ZNF516: variants seen among roughly 807,000 people sequenced by gnomAD.
ZNF516 encodes the protein zinc finger protein 516.
In ZNF516, 19 loss-of-function variants were observed where a neutral mutation model predicts 79.7. The observed-to-expected ratio is 0.24, with a 90% confidence interval of 0.17 to 0.35. The LOEUF is 0.35. ZNF516 is among the 10% of genes least tolerant of loss of function. The pLI is 1.00. For missense variants in ZNF516, 1,678 were observed against 1,679.5 expected, an observed-to-expected ratio of 1.00 and a Z score of 0.02; for synonymous variants, 877 against 739.5, an observed-to-expected ratio of 1.19 and a Z score of -3.02.
chr18:76,401,874 A>ACCAACCACACCCCCGCGCCG, intron 3 of ZNF516, among the ~76,000 whole-genome samples: 1 of 148,138 alleles, frequency 6.8e-6, no homozygotes, highest in Non-Finnish European at 1.5e-5. Context: ...CCCCTCCACT[A>ACCAACCACACCCCCGCGCCG]CTGTTTATAG....
chr18:76,490,656 G>A (rs1487184167), intron 1 of ZNF516: 5 of 522,620 alleles, frequency 9.6e-6, no homozygotes, highest in African/African-American at 6.2e-5. Flanking sequence ...CATGGTGAAC[G>A]TACATCACTC....
chr18:76,414,562 C>A (rs563473499), intron 3 of ZNF516, among the ~76,000 whole-genome samples: 1 of 152,332 alleles, frequency 6.6e-6, no homozygotes, highest in South Asian at 2.1e-4. Flanking sequence ...CTACATACTA[C>A]TGTCGATCAA....
chr18:76,400,951 A>T (rs1041340630), intron 3 of ZNF516, among the ~76,000 whole-genome samples: 6 of 152,262 alleles, frequency 3.9e-5, no homozygotes, highest in African/African-American at 1.4e-4. Context: ...TATAGTGTCC[A>T]TTAAAATGAT....
intron 4 of ZNF516, among the ~76,000 whole-genome samples, chr18:76,373,782 C>A (rs2074745427): frequency 6.6e-6 from 1 of 152,262 alleles, no homozygotes; most frequent in Non-Finnish European, 1.5e-5. Flanking sequence ...TCCCACACAT[C>A]TCACCATATC....
At chr18:76,383,673 G>A (rs546046924) in intron 3 of ZNF516, among the ~76,000 whole-genome samples, 50 of 152,030 alleles carry the variant, frequency 3.3e-4, no homozygotes, top group African/African-American at 1.0e-3. Context: ...CCTCTTCCCC[G>A]GACCCTCTTC....
rs566872379 is a variant in ZNF516, at chr18:76,394,825, T to C, written c.1811-14522A>G. Among the ~76,000 whole-genome samples, 58 of 50,400 alleles carry C rather than the reference T, an allele frequency of 1.2e-3. 6 individuals are homozygous for C. Among genetic ancestry groups the C allele is most frequent in the Non-Finnish European group, 2.1e-3 (51 of 24,442 alleles). 33.1% of individuals were successfully genotyped at this position (50,400 alleles called of 152,430 possible). Reference sequence around the variant, plus strand: ...GGTGGTCAGGTGGGGGGAAGGCGGGTGGTCAGGTGGGGGGAGGGCAGGTGG... The same window carrying C: ...GGTGGTCAGGTGGGGGGAAGGCGGGCGGTCAGGTGGGGGGAGGGCAGGTGG... On this transcript the variant is annotated intron_variant, in intron 3 of 6. Coordinates refer to ENST00000443185, the MANE Select transcript of ZNF516 (RefSeq NM_014643.4).
At chr18:76,456,460 G>A (rs991268878) in intron 2 of ZNF516, among the ~76,000 whole-genome samples, 1 of 152,120 alleles carries the variant, frequency 6.6e-6, no homozygotes, top group Admixed American at 6.5e-5. Flanking sequence ...GTTAAAAGTC[G>A]GCTCAGGGAT....
In ZNF516 at chr18:76,441,916, T is replaced by A; in HGVS notation, c.1139A>T (p.Lys380Met). ...GTTCAGGCACTGGAGGAAGAACTGC[T>A]TGGTGTCCGAGGGCCCCTCCGCCCC... Reference protein sequence around the residue: ...EEGAEGPSDTKQFFLQCLNLR... With the variant: ...EEGAEGPSDTMQFFLQCLNLR... Residue 380 changes from lysine to methionine, a missense_variant, in exon 3 of 7, where the codon AAG (lysine) becomes ATG (methionine). Lys to Met is a moderately conservative substitution (Grantham distance 95, BLOSUM62 -1). Coordinates refer to ENST00000443185, the MANE Select transcript of ZNF516 (RefSeq NM_014643.4). The A allele has an allele frequency of 6.2e-7, 1 of 1,604,628 alleles. No individual in the cohort carries two copies. The highest frequency in any genetic ancestry group is 8.5e-7 in the Non-Finnish European group (1 of 1,178,134).
chr18:76,461,649 G>A (rs781238292), intron 2 of ZNF516, among the ~76,000 whole-genome samples: 9 of 152,174 alleles, frequency 5.9e-5, no homozygotes, highest in Non-Finnish European at 1.0e-4. Flanking sequence ...AACATACATC[G>A]GGTGCTTAAA....
At position 76,442,995 on chromosome 18, in the gene ZNF516, G is replaced by C. The variant is rs776008486; in HGVS notation, c.60C>G (p.Ala20=). The C allele has an allele frequency of 6.9e-6, 11 of 1,602,562 alleles. No homozygotes were observed. The South Asian group carries it at 1.1e-4, about 16-fold the overall frequency. The part of the protein sequence containing the change: ...ELRRGPSPTR[A]GRGHEVDGDK... ...CCCCATCCACCTCGTGGCCCCGGCC[G>C]GCCCTGGTGGGGCTGGGGCCTCGCC... Residue 20 remains alanine (A), a synonymous_variant, in exon 3 of 7, where the codon GCC becomes GCG. Coordinates refer to ENST00000443185, the MANE Select transcript of ZNF516 (RefSeq NM_014643.4).
chr18:76,492,309 T>G, intron 1 of ZNF516: 11 of 985,444 alleles, frequency 1.1e-5, no homozygotes, highest in Non-Finnish European at 1.3e-5. Flanking sequence ...TCACTACCGA[T>G]ATTCCTGAGA....
At chr18:76,418,683 A>G (rs893928581) in intron 3 of ZNF516, among the ~76,000 whole-genome samples, 4 of 151,966 alleles carry the variant, frequency 2.6e-5, no homozygotes, top group African/African-American at 9.7e-5. Context: ...TGAAAAAAAG[A>G]AAGTGGAAAC....
intron 3 of ZNF516, among the ~76,000 whole-genome samples, chr18:76,419,649 C>T (rs376921906): frequency 3.3e-5 from 5 of 152,122 alleles, no homozygotes; most frequent in African/African-American, 7.2e-5. Context: ...CAAGACCTGA[C>T]GGTTTGATAA....
At chr18:76,423,741 TACACACGCAGGTGAAAAGGCTCCCCC>T (rs2075543818) in intron 3 of ZNF516, among the ~76,000 whole-genome samples, 1 of 60,050 alleles carries the variant, frequency 1.7e-5, no homozygotes, top group Admixed American at 2.0e-4. Flanking sequence ...TCCTGAAACA[TACACACGCAGGTGAAAAGGCTCCCCC>T]GAAACACACG....
intron 4 of ZNF516, among the ~76,000 whole-genome samples, chr18:76,374,708 TCTC>T (rs754921422): frequency 3.9e-5 from 6 of 152,140 alleles, no homozygotes; most frequent in Admixed American, 6.5e-5. Context: ...CTGAGACCAT[TCTC>T]CTCTGCATAT....
At chr18:76,446,666 G>A (rs889661372) in intron 2 of ZNF516, among the ~76,000 whole-genome samples, 3 of 152,150 alleles carry the variant, frequency 2.0e-5, no homozygotes, top group African/African-American at 7.2e-5. Context: ...AGCTTTCCCC[G>A]AAACTTGCAG....
rs1474375165 is a variant in ZNF516 at position 76,442,359 on chromosome 18, G to A, written c.696C>T (p.Gly232=). 1.2e-6 allele frequency: 2 copies of A among 1,609,328 alleles called. No individual in the cohort carries two copies. The highest frequency in any genetic ancestry group is 1.1e-5 in the South Asian group (1 of 90,888). The change falls in exon 3 of 7, where the codon GGC becomes GGT. Residue 232 remains glycine (G), a synonymous_variant. Coordinates refer to ENST00000443185, the MANE Select transcript of ZNF516 (RefSeq NM_014643.4). ...GCTTGCCGTTCTCCACGCAGGCCTC[G>A]CCGCTGCCGGGCCCCTGCGCGGTGA... ...DHITAQGPGS[G]EACVENGKPE...
intron 3 of ZNF516, among the ~76,000 whole-genome samples, chr18:76,440,803 G>A (rs934570881): frequency 2.0e-5 from 3 of 152,038 alleles, no homozygotes; most frequent in African/African-American, 7.2e-5. Flanking sequence ...AACTGGGTCT[G>A]AAGCAGAAAA....
At chr18:76,371,323 T>C in intron 5 of ZNF516, 144 bp downstream of exon 5, 4 of 763,748 alleles carry the variant, frequency 5.2e-6, no homozygotes, top group Admixed American at 5.2e-5. Flanking sequence ...CTGTATACGA[T>C]CCCGGAGGCA....
Sources: gnomAD v4.1 joint callset for allele counts (sites outside exome capture counted in the v4.1 genomes callset) on GRCh38, gnomAD v4.1.1 for gene constraint, MANE v1.5 for transcripts, NCBI Gene and HGNC (gene_info 2026-07-23, HGNC 2026-07-21) for gene names.